The following SPTBN1 variants were observed in gnomAD, a reference collection of about 807,000 sequenced individuals.
SPTBN1 encodes spectrin beta chain, non-erythrocytic 1.
In SPTBN1, 32 loss-of-function variants were observed where a neutral mutation model predicts 266.4. That is an observed-to-expected ratio of 0.12 (90% confidence interval 0.09 to 0.16). The LOEUF is 0.16. Among genes scored for constraint, SPTBN1 ranks in the 10% least tolerant of loss-of-function variants. The pLI, the probability that SPTBN1 is intolerant of heterozygous loss-of-function variation, is 1.00. For synonymous variants in SPTBN1, 1,336 were observed against 1,162.2 expected (o/e 1.15, Z -3.04); for missense variants, 2,296 against 3,067.1 (o/e 0.75, Z 5.94).
At chr2:54,574,740 C>T (rs1452474600) in intron 2 of SPTBN1, among the ~76,000 whole-genome samples, 1 of 152,170 alleles carries the variant, frequency 6.6e-6, no homozygotes, top group Non-Finnish European at 1.5e-5. Context: ...TCACACCCTT[C>T]CACCACTTTG....
In SPTBN1 at chr2:54,626,864, A is replaced by C. The variant is rs1678375000; in HGVS notation, c.1644+630A>C. ...GCCATTTATTGACTGCTCTTAGCAT[A>C]GAGTTCCAACCTTTCCCCCTTCCCA... On this transcript the variant is annotated intron_variant, in intron 12 of 35. Coordinates refer to ENST00000356805, the MANE Select transcript of SPTBN1 (RefSeq NM_003128.3). This position sits in a 1 kb window ranked among gnomAD's most constrained non-coding sequence, Gnocchi z 4.7. 6.6e-6 allele frequency among the ~76,000 whole-genome samples: 1 copy of C among 152,210 alleles called. No individual in the cohort carries two copies. The highest frequency in any genetic ancestry group is 6.5e-5 in the Admixed American group (1 of 15,292).
At chr2:54,561,969 G>C (rs903140462) in intron 2 of SPTBN1, among the ~76,000 whole-genome samples, 15 of 150,998 alleles carry the variant, frequency 9.9e-5, no homozygotes, top group African/African-American at 3.4e-4. Flanking sequence ...ACCTCTGATG[G>C]CTGTAGCATT....
chr2:54,637,858 C>A, intron 18 of SPTBN1, 55 bp downstream of exon 18: 1 of 1,420,792 alleles, frequency 7.0e-7, no homozygotes, highest in Non-Finnish European at 9.8e-7. Flanking sequence ...CAATTGCCAG[C>A]CAGCATTTAG....
intron 2 of SPTBN1, among the ~76,000 whole-genome samples, chr2:54,560,380 G>C (rs13402110): frequency 6.6e-6 from 1 of 152,002 alleles, no homozygotes; most frequent in East Asian, 1.9e-4. Flanking sequence ...CAGAAAAAAA[G>C]CAAAACTGGG....
intron 4 of SPTBN1, among the ~76,000 whole-genome samples, chr2:54,613,274 C>T (rs990299200): frequency 1.1e-4 from 17 of 151,654 alleles, no homozygotes; most frequent in African/African-American, 4.1e-4. Context: ...TGTTCTCTTG[C>T]CATTCCTTCC....
chr2:54,599,262 A>T lies in SPTBN1; in HGVS notation c.300+19A>T, dbSNP rs1676312418. 1 of 1,612,872 alleles carries T rather than the reference A, an allele frequency of 6.2e-7. No individual in the cohort carries two copies. Among genetic ancestry groups the T allele is most frequent in the African/African-American group, 1.3e-5 (1 of 74,836 alleles). On this transcript the variant is annotated intron_variant, in intron 3 of 35. Transcript: ENST00000356805. ...GAGGCTGGTGAGTGGAGACCTTAGGAAGTGCCGTGTGTTGTAGGTGGAAAA... is the reference window on the plus strand; with the variant it reads ...GAGGCTGGTGAGTGGAGACCTTAGGTAGTGCCGTGTGTTGTAGGTGGAAAA...
chr2:54,526,030 C>T (rs1670794494), intron 1 of SPTBN1, among the ~76,000 whole-genome samples: 2 of 152,240 alleles, frequency 1.3e-5, no homozygotes, highest in South Asian at 4.1e-4. Context: ...CTGCACCTGG[C>T]CCTCTGATAA....
chr2:54,546,784 A>G (rs1351134654), intron 2 of SPTBN1: 1 of 152,202 alleles, frequency 6.6e-6, no homozygotes, highest in Non-Finnish European at 1.5e-5. Context: ...GGTGGAAGAT[A>G]GGACTTGGAG....
At chr2:54,493,253 A>G (rs1205069810) in intron 1 of SPTBN1, among the ~76,000 whole-genome samples, 1 of 151,656 alleles carries the variant, frequency 6.6e-6, no homozygotes, top group Non-Finnish European at 1.5e-5. Flanking sequence ...TAATCCTCCC[A>G]CCTCAGCCTC....
intron 1 of SPTBN1, among the ~76,000 whole-genome samples, chr2:54,513,400 G>A (rs756739617): frequency 2.0e-5 from 3 of 152,122 alleles, no homozygotes; most frequent in Non-Finnish European, 4.4e-5. Flanking sequence ...TTGGCATTGG[G>A]TTGCTCTAGG....
At chr2:54,574,877 C>G (rs781046177) in intron 2 of SPTBN1, among the ~76,000 whole-genome samples, 7 of 152,160 alleles carry the variant, frequency 4.6e-5, no homozygotes, top group African/African-American at 1.4e-4. Context: ...AAACCAGGTA[C>G]CTTCATGAAC....
Position 54,649,697 on chromosome 2 carries a change from C to G in SPTBN1, c.5285C>G (p.Ala1762Gly). The change falls in exon 26 of 36, where the codon GCA becomes GGA. Residue 1762 changes from alanine to glycine, a missense_variant. Physicochemically the swap from Ala to Gly is moderately conservative, Grantham distance 60 (BLOSUM62 0). Transcript: ENST00000356805. This position sits in a 1 kb window ranked among gnomAD's most constrained non-coding sequence, Gnocchi z 6.7. ...QERVDTVNHL[A>G]DELINSGHSD... ...CGCGTGGACACGGTCAATCACCTGG[C>G]AGATGAGCTCATCAACTCTGGACAT... is the stretch of plus-strand genomic sequence containing the variant. 6.2e-7 allele frequency: 1 copy of G among 1,614,148 alleles called. No homozygotes were observed. The highest frequency in any genetic ancestry group is 8.5e-7 in the Non-Finnish European group (1 of 1,180,018).
intron 24 of SPTBN1, among the ~76,000 whole-genome samples, chr2:54,648,429 G>T (rs955775323): frequency 6.6e-6 from 1 of 152,170 alleles, no homozygotes; most frequent in Non-Finnish European, 1.5e-5. Context: ...TGGAGCAGCC[G>T]GTCCAGCCCT....
chr2:54,514,154 A>T (rs1203935915), intron 1 of SPTBN1, among the ~76,000 whole-genome samples: 1 of 152,184 alleles, frequency 6.6e-6, no homozygotes, highest in Admixed American at 6.6e-5. Context: ...TGTAAAATGG[A>T]GGAAGGTGAG....
intron 1 of SPTBN1, among the ~76,000 whole-genome samples, chr2:54,486,311 G>T (rs1668386385): frequency 6.6e-6 from 1 of 152,050 alleles, no homozygotes; most frequent in Non-Finnish European, 1.5e-5. Flanking sequence ...CTGAGAAATC[G>T]GATGGTTGCC....
rs776033667 is a variant in SPTBN1 at position 54,558,753 on chromosome 2, T to C, written c.148+32187T>C. ...CTGGAGCGAGATTTCCAGGGCGCAG[T>C]CCTCCGGGGCGTTACGCCGGGCATA... is the stretch of plus-strand genomic sequence containing the variant. On this transcript the variant is annotated intron_variant, in intron 2 of 35. Transcript: ENST00000356805. This position sits in a 1 kb window ranked among gnomAD's most constrained non-coding sequence, Gnocchi z 4.6. The C allele has an allele frequency of 6.2e-7, 1 of 1,605,376 alleles. No individual in the cohort carries two copies. Among genetic ancestry groups the C allele is most frequent in the South Asian group, 1.1e-5 (1 of 90,288 alleles).
At chr2:54,644,205 T>C (rs746125921) in intron 19 of SPTBN1, 118 bp from the exon 20 acceptor site, 69 of 1,273,976 alleles carry the variant, frequency 5.4e-5, no homozygotes, top group Non-Finnish European at 7.2e-5. Context: ...GTGGAAAGAC[T>C]GTGTGTATTG....
intron 2 of SPTBN1, among the ~76,000 whole-genome samples, chr2:54,544,024 C>G (rs1286003124): frequency 2.6e-5 from 4 of 152,096 alleles, no homozygotes; most frequent in Non-Finnish European, 5.9e-5. Flanking sequence ...TACTAAATTC[C>G]CGGGAGGATT....
intron 34 of SPTBN1, among the ~76,000 whole-genome samples, chr2:54,666,633 A>G (rs911431750): frequency 6.6e-6 from 1 of 152,172 alleles, no homozygotes; most frequent in African/African-American, 2.4e-5. Flanking sequence ...ACCCTGTAGG[A>G]TACATGTATC....
Sources: gnomAD v4.1 joint callset for allele counts (sites outside exome capture counted in the v4.1 genomes callset) on GRCh38, gnomAD v4.1.1 for gene constraint, Gnocchi (gnomAD v3.1) non-coding constraint, MANE v1.5 for transcripts, NCBI Gene and HGNC (gene_info 2026-07-23, HGNC 2026-07-21) for gene names.